Variants in DLGAP1 observed in about 807,000 individuals in gnomAD.
The protein encoded by DLGAP1 is DLG associated protein 1.
In DLGAP1, 11 loss-of-function variants were observed where a neutral mutation model predicts 90.8. The observed-to-expected ratio is 0.12, with a 90% CI of 0.08 to 0.20. DLGAP1 has a LOEUF of 0.20. Among genes scored for constraint, DLGAP1 ranks in the 10% least tolerant of loss-of-function variants. The probability of loss-of-function intolerance (pLI) is 1.00; values close to 1 mark genes in which losing one functional copy is unlikely to be tolerated. For synonymous variants in DLGAP1, 558 were observed against 540.7 expected (o/e 1.03, Z -0.44); for missense variants, 1,050 against 1,333.8 (o/e 0.79, Z 3.31).
chr18:3,606,294 C>A (rs566908507), intron 7 of DLGAP1, among the ~76,000 whole-genome samples: 1 of 152,262 alleles, frequency 6.6e-6, no homozygotes, highest in African/African-American at 2.4e-5. Flanking sequence ...CTTCTTAGAA[C>A]CCTTCCCCGC....
chr18:4,160,112 T>A (rs1431470853), intron 1 of DLGAP1, among the ~76,000 whole-genome samples: 1 of 152,250 alleles, frequency 6.6e-6, no homozygotes, highest in Non-Finnish European at 1.5e-5. Context: ...TATTTGGTAA[T>A]ATCTTATAAT....
chr18:4,195,794 T>C (rs11081100), intron 1 of DLGAP1, among the ~76,000 whole-genome samples: 123,335 of 152,106 alleles, frequency 0.81, 50,263 homozygotes, highest in East Asian at 0.95. Context: ...GTCAGGTGAC[T>C]CACCCACCTT....
intron 7 of DLGAP1, among the ~76,000 whole-genome samples, chr18:3,635,230 A>C (rs2058663744): frequency 6.6e-6 from 1 of 150,598 alleles, no homozygotes; most frequent in South Asian, 2.1e-4. Context: ...TCCCGGGTTC[A>C]CGCCATTCTC....
intron 1 of DLGAP1, among the ~76,000 whole-genome samples, chr18:4,255,781 T>C (rs2078876834): frequency 6.6e-6 from 1 of 152,028 alleles, no homozygotes; most frequent in Non-Finnish European, 1.5e-5. Context: ...ATAAACTAAA[T>C]ATAAATTTAA....
intron 3 of DLGAP1, among the ~76,000 whole-genome samples, chr18:3,942,946 T>G (rs2072799991): frequency 6.6e-6 from 1 of 151,616 alleles, no homozygotes; most frequent in Admixed American, 6.6e-5. Context: ...CTGAGGATGA[T>G]AATCAGAACC....
At chr18:3,893,184 TA>T (rs897475352) in intron 3 of DLGAP1, among the ~76,000 whole-genome samples, 33 of 152,278 alleles carry the variant, frequency 2.2e-4, no homozygotes, top group South Asian at 1.5e-3. Flanking sequence ...TCACTTAAGA[TA>T]ATGGCCTCCA....
intron 1 of DLGAP1, among the ~76,000 whole-genome samples, chr18:4,376,068 C>T (rs1329115776): frequency 6.6e-6 from 1 of 152,028 alleles, no homozygotes; most frequent in African/African-American, 2.4e-5. Context: ...TTCAGAAGAG[C>T]TTGAAAACAC....
chr18:3,559,662 G>A (rs1168490101), intron 9 of DLGAP1, among the ~76,000 whole-genome samples: 5 of 135,856 alleles, frequency 3.7e-5, no homozygotes, highest in South Asian at 2.3e-4. Context: ...TCGTTCTGTC[G>A]CCCAGGCTGG....
At chr18:3,736,895 G>A (rs200617615) in intron 6 of DLGAP1, among the ~76,000 whole-genome samples, 1 of 151,186 alleles carries the variant, frequency 6.6e-6, no homozygotes, top group Non-Finnish European at 1.5e-5. Flanking sequence ...AAGAAAAAAA[G>A]AGAGAAGAAT....
chr18:3,805,807 G>A (rs1224195870), intron 5 of DLGAP1, among the ~76,000 whole-genome samples: 2 of 152,188 alleles, frequency 1.3e-5, no homozygotes, highest in Non-Finnish European at 2.9e-5. Flanking sequence ...AACTCAGCTT[G>A]TTTCAAAAGA....
At chr18:4,099,996 G>T (rs1463387342) in intron 2 of DLGAP1, among the ~76,000 whole-genome samples, 1 of 150,594 alleles carries the variant, frequency 6.6e-6, no homozygotes, top group Non-Finnish European at 1.5e-5. Context: ...GGGACTACAG[G>T]TGTATGCCAC....
chr18:3,597,100 T>A (rs760908722), intron 7 of DLGAP1: 1 of 520,082 alleles, frequency 1.9e-6, no homozygotes, highest in Non-Finnish European at 3.8e-6. Context: ...TCTTTTTTTT[T>A]TCACTCTCAG....
At chr18:4,352,421 T>C (rs2081421118) in intron 1 of DLGAP1, among the ~76,000 whole-genome samples, 1 of 152,126 alleles carries the variant, frequency 6.6e-6, no homozygotes, top group South Asian at 2.1e-4. Flanking sequence ...TAATGTCCTA[T>C]CGATCAAGCT....
At chr18:4,363,045 G>C (rs1183589870) in intron 1 of DLGAP1, among the ~76,000 whole-genome samples, 1 of 152,054 alleles carries the variant, frequency 6.6e-6, no homozygotes, top group Non-Finnish European at 1.5e-5. Context: ...ACCTGCGTTT[G>C]CAACTCTAGT....
At chr18:3,926,417 TATATACACACAC>T (rs1713362613) in intron 3 of DLGAP1, among the ~76,000 whole-genome samples, 2 of 121,552 alleles carry the variant, frequency 1.6e-5, no homozygotes, top group Admixed American at 8.1e-5. Context: ...TATATATATA[TATATACACACAC>T]ACACACACAC....
chr18:4,008,728 G>C (rs1425233924), intron 2 of DLGAP1, among the ~76,000 whole-genome samples: 1 of 152,166 alleles, frequency 6.6e-6, no homozygotes, highest in Non-Finnish European at 1.5e-5. Context: ...ATATGCTTTT[G>C]ATTTAGGTAG....
chr18:3,839,052 T>A (rs114134996), intron 4 of DLGAP1, among the ~76,000 whole-genome samples: 1 of 152,134 alleles, frequency 6.6e-6, no homozygotes. Flanking sequence ...ATTTCATGCA[T>A]GAAGCAGCTC....
intron 2 of DLGAP1, among the ~76,000 whole-genome samples, chr18:4,066,519 GATTAGACACTTTT>G (rs2075372357): frequency 6.6e-6 from 1 of 152,066 alleles, no homozygotes; most frequent in African/African-American, 2.4e-5. Flanking sequence ...CAAAAGACAT[GATTAGACACTTTT>G]CAAAAGAAGA....
chr18:3,721,419 A>G (rs1046779210), intron 7 of DLGAP1: 2 of 152,216 alleles, frequency 1.3e-5, no homozygotes, highest in African/African-American at 4.8e-5. Flanking sequence ...CCAAATCCGC[A>G]TAATGTGAAA....
Sources: gnomAD v4.1 joint callset for allele counts (sites outside exome capture counted in the v4.1 genomes callset) on GRCh38, gnomAD v4.1.1 for gene constraint, MANE v1.5 for transcripts, NCBI Gene and HGNC (gene_info 2026-07-23, HGNC 2026-07-21) for gene names.